Variants in CNTN5 observed in about 807,000 individuals in gnomAD.
The protein encoded by CNTN5 is contactin-5.
Under a neutral mutation model 129.1 loss-of-function variants are expected in CNTN5, and 77 were observed. That is an observed-to-expected ratio of 0.60 (90% confidence interval 0.50 to 0.72). The LOEUF is 0.72. CNTN5 is among the 30% of genes least tolerant of loss of function. The pLI is 0.00. For missense variants in CNTN5, 1,478 were observed against 1,328.8 expected, an observed-to-expected ratio of 1.11 and a Z score of -1.75; for synonymous variants, 509 against 465.6, an observed-to-expected ratio of 1.09 and a Z score of -1.20.
chr11:99,706,848 T>TA (rs1954776969), intron 3 of CNTN5, among the ~76,000 whole-genome samples: 1 of 151,044 alleles, frequency 6.6e-6, no homozygotes, highest in Admixed American at 6.6e-5. Flanking sequence ...GTCTTTTTTT[T>TA]TTTTTTAAGC....
intron 20 of CNTN5, among the ~76,000 whole-genome samples, chr11:100,306,149 C>A (rs986774056): frequency 6.6e-6 from 1 of 151,544 alleles, no homozygotes; most frequent in African/African-American, 2.4e-5. Flanking sequence ...TTATAACATG[C>A]AGCTCCCCAA....
intron 3 of CNTN5, among the ~76,000 whole-genome samples, chr11:99,679,995 C>T (rs1565419863): frequency 6.6e-6 from 1 of 152,298 alleles, no homozygotes; most frequent in Non-Finnish European, 1.5e-5. Context: ...TAAGCTAAAG[C>T]TTAATCCTAA....
intron 3 of CNTN5, among the ~76,000 whole-genome samples, chr11:99,583,330 T>A: frequency 6.6e-6 from 1 of 152,060 alleles, no homozygotes; most frequent in Non-Finnish European, 1.5e-5. Context: ...GTGCTGGGAG[T>A]ACCACTACTC....
chr11:100,339,840 C>T (rs1952122253), intron 21 of CNTN5, among the ~76,000 whole-genome samples: 1 of 152,140 alleles, frequency 6.6e-6, no homozygotes, highest in Non-Finnish European at 1.5e-5. Flanking sequence ...AAGCCAGTTA[C>T]CATAAGCTCC....
At chr11:99,892,967 A>G (rs991783481) in intron 6 of CNTN5, among the ~76,000 whole-genome samples, 9 of 152,204 alleles carry the variant, frequency 5.9e-5, no homozygotes, top group African/African-American at 2.2e-4. Context: ...TGAGCATGAA[A>G]TGAAGCAATA....
At chr11:99,788,550 G>A (rs1945620660) in intron 3 of CNTN5, among the ~76,000 whole-genome samples, 1 of 151,864 alleles carries the variant, frequency 6.6e-6, no homozygotes, top group Non-Finnish European at 1.5e-5. Context: ...GTTTTGTTCA[G>A]CAATACTTGT....
chr11:99,781,941 A>G (rs377084535), intron 3 of CNTN5, among the ~76,000 whole-genome samples: 1 of 151,574 alleles, frequency 6.6e-6, no homozygotes, highest in Non-Finnish European at 1.5e-5. Context: ...CTCTCTCACC[A>G]CTCCTATTCA....
chr11:100,054,883 A>T (rs1326399268), intron 9 of CNTN5, among the ~76,000 whole-genome samples: 1 of 151,524 alleles, frequency 6.6e-6, no homozygotes, highest in Admixed American at 6.6e-5. Context: ...TCGTTTAGAA[A>T]CTCAGTCCTG....
intron 18 of CNTN5, among the ~76,000 whole-genome samples, chr11:100,278,779 A>G (rs560376491): frequency 1.3e-5 from 2 of 152,046 alleles, no homozygotes; most frequent in Middle Eastern, 3.4e-3. Context: ...TTCCTTTCCA[A>G]TTTGGATGCC....
At chr11:99,216,297 A>C (rs1461560087) in intron 1 of CNTN5, among the ~76,000 whole-genome samples, 1 of 152,020 alleles carries the variant, frequency 6.6e-6, no homozygotes, top group African/African-American at 2.4e-5. Flanking sequence ...AAGGCCTCCA[A>C]TTCTATCTGT....
intron 6 of CNTN5, among the ~76,000 whole-genome samples, chr11:99,882,921 T>C (rs959382565): frequency 6.6e-6 from 1 of 152,162 alleles, no homozygotes; most frequent in Non-Finnish European, 1.5e-5. Flanking sequence ...CTTCATGATT[T>C]CAATTGTTTT....
chr11:100,032,522 T>G (rs1240853538), intron 9 of CNTN5, among the ~76,000 whole-genome samples: 1 of 151,890 alleles, frequency 6.6e-6, no homozygotes, highest in East Asian at 1.9e-4. Context: ...TATATATATA[T>G]AAAATAAAAG....
chr11:99,922,177 G>A (rs1949955641), intron 7 of CNTN5, among the ~76,000 whole-genome samples: 1 of 152,178 alleles, frequency 6.6e-6, no homozygotes, highest in Non-Finnish European at 1.5e-5. Context: ...GTCTTACGTG[G>A]TGGCAGGCAA....
In CNTN5 at chr11:100,255,758, A is replaced by T. The variant is rs1282561046; in HGVS notation, c.2006-2A>T. 1 of 1,613,368 alleles carries T rather than the reference A, an allele frequency of 6.2e-7. No individual in the cohort carries two copies. The highest frequency in any genetic ancestry group is 1.7e-5 in the Admixed American group (1 of 60,010). Reference sequence around the variant, plus strand: ...ACTTTATCCATTGCCTTTGACCTATAGGACCCCCAGGCCCACCTGGGATAG... The same window carrying T: ...ACTTTATCCATTGCCTTTGACCTATTGGACCCCCAGGCCCACCTGGGATAG... On this transcript the variant is annotated splice_acceptor_variant, in intron 16 of 24. Transcript: ENST00000524871. LOFTEE classifies it high-confidence loss of function.
intron 2 of CNTN5, among the ~76,000 whole-genome samples, chr11:99,467,656 A>G (rs1944999060): frequency 1.3e-5 from 2 of 152,116 alleles, no homozygotes. Flanking sequence ...CCACAACACT[A>G]TCTTAACTTT....
intron 3 of CNTN5, among the ~76,000 whole-genome samples, chr11:99,709,723 G>A (rs1190959803): frequency 1.3e-5 from 2 of 151,742 alleles, no homozygotes; most frequent in African/African-American, 2.4e-5. Context: ...ATAGAAGTTT[G>A]AAAAGGATTC....
intron 1 of CNTN5, among the ~76,000 whole-genome samples, chr11:99,132,445 G>A (rs1265079088): frequency 2.6e-5 from 4 of 152,130 alleles, no homozygotes; most frequent in African/African-American, 7.2e-5. Context: ...ATTTAAATAG[G>A]AAGAGAGGAA....
At chr11:99,530,538 G>C (rs1042915363) in intron 2 of CNTN5, among the ~76,000 whole-genome samples, 1 of 152,190 alleles carries the variant, frequency 6.6e-6, no homozygotes, top group Non-Finnish European at 1.5e-5. Flanking sequence ...ACTCTGGTGG[G>C]AAGTGAGCAT....
At position 99,807,999 on chromosome 11, in the gene CNTN5, T is replaced by C. The variant is rs532215209; in HGVS notation, c.56-11545T>C. Among the ~76,000 whole-genome samples, 8 of 152,326 alleles carry C rather than the reference T, an allele frequency of 5.3e-5. No homozygotes were observed. In the South Asian group the frequency reaches 6.2e-4, roughly 12 times the overall value. ...AGGGAAAGAATTAGGCGTAGGGACC[T>C]TCTGTGACCCTGAAGGCAACACCAA... On this transcript the variant is annotated intron_variant, in intron 3 of 24. Transcript: ENST00000524871.
Sources: gnomAD v4.1 joint callset for allele counts (sites outside exome capture counted in the v4.1 genomes callset) on GRCh38, gnomAD v4.1.1 for gene constraint, MANE v1.5 for transcripts, NCBI Gene and HGNC (gene_info 2026-07-23, HGNC 2026-07-21) for gene names.